The following ZC3H8 variants were observed in gnomAD, a reference collection of about 807,000 sequenced individuals.
ZC3H8 encodes the protein zinc finger CCCH domain-containing protein 8.
ZC3H8 carries 27 observed loss-of-function variants against 42.5 expected under a neutral mutation model. That is an observed-to-expected ratio of 0.64 (90% confidence interval 0.47 to 0.88). The LOEUF (loss-of-function observed/expected upper bound fraction) is 0.88. ZC3H8 is among the 40% of genes least tolerant of loss of function. The pLI, the probability that ZC3H8 is intolerant of heterozygous loss-of-function variation, is 0.00. For missense variants in ZC3H8, 277 were observed against 336.1 expected, an observed-to-expected ratio of 0.82 and a Z score of 1.37; for synonymous variants, 101 against 110.1, an observed-to-expected ratio of 0.92 and a Z score of 0.52.
rs142862375 is a variant in ZC3H8 at position 112,246,488 on chromosome 2, G to A, written c.156+3703C>T. Among the ~76,000 whole-genome samples the A allele has an allele frequency of 2.0e-5, 3 of 152,212 alleles. No individual in the cohort carries two copies. In the East Asian group the frequency reaches 5.8e-4, roughly 30 times the overall value. ...AGGTCAAATATCAACAATAACAGGA[G>A]TTTGAAAGAAGGTGATTGCAACCCT... is the stretch of plus-strand genomic sequence containing the variant. On this transcript the variant is annotated intron_variant, in intron 2 of 8. Coordinates refer to ENST00000409573, the MANE Select transcript of ZC3H8 (RefSeq NM_032494.3).
intron 8 of ZC3H8, among the ~76,000 whole-genome samples, chr2:112,219,102 CTT>C (rs1354895015): frequency 1.3e-5 from 2 of 152,050 alleles, no homozygotes; most frequent in African/African-American, 4.8e-5. Flanking sequence ...AAAAATCTGT[CTT>C]AAAATTCATA....
chr2:112,229,081 T>C (rs1355555349), intron 8 of ZC3H8, among the ~76,000 whole-genome samples: 1 of 152,158 alleles, frequency 6.6e-6, no homozygotes, highest in Non-Finnish European at 1.5e-5. Context: ...TAGTATATAC[T>C]GGAGAAAAAG....
intron 8 of ZC3H8, among the ~76,000 whole-genome samples, chr2:112,217,529 G>T (rs1392201695): frequency 1.3e-5 from 2 of 152,218 alleles, no homozygotes; most frequent in East Asian, 3.8e-4. Context: ...CTTTATGCAT[G>T]TATAATTCTG....
At chr2:112,223,263 AAAAG>A (rs1388147613) in intron 8 of ZC3H8, among the ~76,000 whole-genome samples, 1 of 152,224 alleles carries the variant, frequency 6.6e-6, no homozygotes, top group Admixed American at 6.5e-5. Context: ...ATAATTTAAA[AAAAG>A]AAAAAAAAAG....
intron 8 of ZC3H8, among the ~76,000 whole-genome samples, chr2:112,219,516 T>C (rs897479120): frequency 2.0e-5 from 3 of 152,194 alleles, no homozygotes; most frequent in Admixed American, 6.5e-5. Flanking sequence ...CACAACACTA[T>C]TTACAACATT....
At chr2:112,232,343 C>T (rs1204623343) in intron 6 of ZC3H8, among the ~76,000 whole-genome samples, 2 of 150,416 alleles carry the variant, frequency 1.3e-5, no homozygotes, top group Non-Finnish European at 3.0e-5. Flanking sequence ...AAGACCTTTC[C>T]TACTAGCAGA....
chr2:112,232,420 T>G (rs1685137004), intron 6 of ZC3H8, among the ~76,000 whole-genome samples: 1 of 152,176 alleles, frequency 6.6e-6, no homozygotes, highest in African/African-American at 2.4e-5. Context: ...AATCTAATTT[T>G]AGAAGGACTA....
rs557644591 is a variant in ZC3H8, at chr2:112,248,966, G to A, written c.156+1225C>T. Among the ~76,000 whole-genome samples, 99 of 152,112 alleles carry A rather than the reference G, an allele frequency of 6.5e-4. 1 individual carries two copies. The South Asian group carries it at 0.018, about 27-fold the overall frequency. On this transcript the variant is annotated intron_variant, in intron 2 of 8. Transcript: ENST00000409573. ...TCCCAGCACTTTGGGAGGCCGAGGC[G>A]GTCAGATCGCTTGACCCCAGGAGTT...
intron 2 of ZC3H8, among the ~76,000 whole-genome samples, chr2:112,239,928 C>T (rs887532581): frequency 2.0e-5 from 3 of 152,132 alleles, no homozygotes; most frequent in African/African-American, 7.2e-5. Flanking sequence ...GGAGTTGTTC[C>T]ACCAGAGGAT....
intron 2 of ZC3H8, among the ~76,000 whole-genome samples, chr2:112,249,368 A>G (rs1233554602): frequency 6.6e-6 from 1 of 152,164 alleles, no homozygotes; most frequent in African/African-American, 2.4e-5. Context: ...CTCAGAAGGA[A>G]CCAACCCTGC....
intron 8 of ZC3H8, among the ~76,000 whole-genome samples, chr2:112,229,593 G>A (rs1377206696): frequency 6.6e-6 from 1 of 152,132 alleles, no homozygotes; most frequent in Non-Finnish European, 1.5e-5. Flanking sequence ...GGGCAGAACT[G>A]ACCCAGCAGA....
intron 8 of ZC3H8, among the ~76,000 whole-genome samples, chr2:112,221,572 T>C (rs1008129072): frequency 2.6e-5 from 4 of 152,154 alleles, no homozygotes; most frequent in African/African-American, 9.7e-5. Context: ...TTTATTGTTT[T>C]TACTTTATTT....
intron 3 of ZC3H8, 127 bp downstream of exon 3, chr2:112,238,188 T>A (rs1358725234): frequency 7.1e-6 from 7 of 985,412 alleles, no homozygotes; most frequent in Non-Finnish European, 1.0e-5. Flanking sequence ...ATGTCTGGTA[T>A]AAATATTCAT....
chr2:112,235,693 T>G (rs1393704557), intron 4 of ZC3H8, among the ~76,000 whole-genome samples: 1 of 152,130 alleles, frequency 6.6e-6, no homozygotes, highest in Non-Finnish European at 1.5e-5. Context: ...CTACCCTGCT[T>G]ACATCTACAG....
chr2:112,233,259 T>C lies in ZC3H8; in HGVS notation c.733+1A>G, dbSNP rs748276126. The C allele has an allele frequency of 1.3e-6, 2 of 1,541,298 alleles. No individual in the cohort carries two copies. The highest frequency in any genetic ancestry group is 4.1e-5 in the Admixed American group (2 of 48,980). On this transcript the variant is annotated splice_donor_variant, in intron 6 of 8. Coordinates refer to ENST00000409573, the MANE Select transcript of ZC3H8 (RefSeq NM_032494.3). LOFTEE classifies it high-confidence loss of function. ...TCACCATATCTTGTGATAAAGGATA[T>C]TATGCAAATACAGACAGTTTTCACC...
chr2:112,223,195 C>T (rs1347415982), intron 8 of ZC3H8, among the ~76,000 whole-genome samples: 1 of 151,322 alleles, frequency 6.6e-6, no homozygotes, highest in East Asian at 1.9e-4. Flanking sequence ...CAACATGGCA[C>T]ATGTATACAT....
At chr2:112,237,291 A>G (rs562547860) in intron 3 of ZC3H8, among the ~76,000 whole-genome samples, 1 of 152,216 alleles carries the variant, frequency 6.6e-6, no homozygotes, top group Non-Finnish European at 1.5e-5. Context: ...TATAAGTTCT[A>G]AGGCAGATCC....
chr2:112,243,701 C>T (rs369438398), intron 2 of ZC3H8, among the ~76,000 whole-genome samples: 3 of 152,080 alleles, frequency 2.0e-5, no homozygotes, highest in Non-Finnish European at 4.4e-5. Context: ...TATATAAATA[C>T]GTACATAACA....
At chr2:112,247,591 GTTAA>G (rs928994571) in intron 2 of ZC3H8, among the ~76,000 whole-genome samples, 11 of 152,106 alleles carry the variant, frequency 7.2e-5, no homozygotes, top group African/African-American at 2.4e-4. Context: ...AAATAAATAA[GTTAA>G]TTAATTAATT....
Sources: allele counts gnomAD v4.1 joint callset (sites outside exome capture counted in the v4.1 genomes callset), GRCh38; gene constraint gnomAD v4.1.1; transcripts MANE v1.5; gene names NCBI Gene and HGNC (gene_info 2026-07-23, HGNC 2026-07-21).